Variants in SKAP2 observed in about 807,000 individuals in gnomAD.
The protein encoded by SKAP2 is src kinase associated phosphoprotein 2, also known as src kinase-associated phosphoprotein 2.
In SKAP2, 28 loss-of-function variants were observed where a neutral mutation model predicts 54.9. The ratio of observed to expected loss-of-function variants is 0.51; its 90% CI spans 0.38 to 0.70. The LOEUF is 0.70. SKAP2 is among the 30% of genes least tolerant of loss of function. The probability of loss-of-function intolerance (pLI) is 0.00; values close to 1 mark genes in which losing one functional copy is unlikely to be tolerated. For missense variants in SKAP2, 356 were observed against 424.1 expected (o/e 0.84, Z 1.41); for synonymous variants, 137 against 134.3 (o/e 1.02, Z -0.14).
intron 4 of SKAP2, among the ~76,000 whole-genome samples, chr7:26,755,435 T>G (rs1782769529): frequency 1.3e-5 from 2 of 152,016 alleles, no homozygotes; most frequent in Non-Finnish European, 2.9e-5. Flanking sequence ...TGCATGGATG[T>G]CACAATAGAT....
At chr7:26,701,823 C>CT (rs1311492641) in intron 9 of SKAP2, among the ~76,000 whole-genome samples, 1 of 152,154 alleles carries the variant, frequency 6.6e-6, no homozygotes, top group African/African-American at 2.4e-5. Flanking sequence ...TTTAACTTCT[C>CT]TTTTTTTCCC....
At chr7:26,672,768 A>G (rs1392643748) in intron 11 of SKAP2, among the ~76,000 whole-genome samples, 1 of 152,008 alleles carries the variant, frequency 6.6e-6, no homozygotes, top group Non-Finnish European at 1.5e-5. Flanking sequence ...TTTTACTTTT[A>G]TCATTACTAT....
intron 9 of SKAP2, among the ~76,000 whole-genome samples, chr7:26,723,295 C>G (rs1548482): frequency 0.074 from 11,312 of 152,186 alleles, 555 homozygotes; most frequent in Middle Eastern, 0.16. Context: ...CTTGCTGAAC[C>G]GTGCAGATGT....
intron 9 of SKAP2, 63 bp downstream of exon 9, chr7:26,725,365 C>T: frequency 8.0e-7 from 1 of 1,253,940 alleles, no homozygotes; most frequent in Non-Finnish European, 1.1e-6. Flanking sequence ...CAAACACACA[C>T]ACACACTCAC....
intron 3 of SKAP2, among the ~76,000 whole-genome samples, chr7:26,850,841 TC>T (rs1785024407): frequency 6.6e-6 from 1 of 152,006 alleles, no homozygotes; most frequent in Non-Finnish European, 1.5e-5. Flanking sequence ...ATTTGTCAGA[TC>T]TCTTCAATAG....
intron 4 of SKAP2, among the ~76,000 whole-genome samples, chr7:26,837,753 C>T (rs1462220867): frequency 6.8e-6 from 1 of 146,464 alleles, no homozygotes; most frequent in African/African-American, 2.4e-5. Context: ...TGTTGGTCTA[C>T]TGACCATACT....
At chr7:26,670,243 T>G (rs766523086) in intron 11 of SKAP2, 51 bp from the exon 12 acceptor site, 3 of 838,884 alleles carry the variant, frequency 3.6e-6, no homozygotes, top group Non-Finnish European at 6.2e-6. Context: ...GTAAGTACAA[T>G]GTCGTTTGTA....
intron 3 of SKAP2, 147 bp downstream of exon 3, chr7:26,853,990 A>G: frequency 1.8e-6 from 1 of 557,474 alleles, no homozygotes; most frequent in Non-Finnish European, 3.2e-6. Context: ...AGGGGGAGCT[A>G]GCACTCTCAT....
At chr7:26,862,573 T>C (rs1339123181) in intron 1 of SKAP2, among the ~76,000 whole-genome samples, 1 of 152,050 alleles carries the variant, frequency 6.6e-6, no homozygotes, top group African/African-American at 2.4e-5. Context: ...GTATATTACC[T>C]GACTAAAGAG....
At chr7:26,805,445 G>C (rs1784006518) in intron 4 of SKAP2, among the ~76,000 whole-genome samples, 1 of 152,114 alleles carries the variant, frequency 6.6e-6, no homozygotes, top group Non-Finnish European at 1.5e-5. Context: ...TCACCCATTT[G>C]ATTCTAAAGG....
intron 9 of SKAP2, among the ~76,000 whole-genome samples, chr7:26,713,671 C>G (rs948984387): frequency 9.2e-5 from 14 of 151,902 alleles, no homozygotes; most frequent in African/African-American, 3.4e-4. Flanking sequence ...GCGATCTCGG[C>G]TCACTGCAAG....
At chr7:26,817,073 C>T (rs1441307101) in intron 4 of SKAP2, among the ~76,000 whole-genome samples, 1 of 152,098 alleles carries the variant, frequency 6.6e-6, no homozygotes, top group Non-Finnish European at 1.5e-5. Context: ...TTGTTTAAAA[C>T]ATTTATAACA....
chr7:26,754,684 T>C (rs769914607), intron 4 of SKAP2, among the ~76,000 whole-genome samples: 15 of 152,158 alleles, frequency 9.9e-5, no homozygotes, highest in South Asian at 2.1e-4. Flanking sequence ...AACAAAACGA[T>C]TGCTAACAAC....
intron 4 of SKAP2, among the ~76,000 whole-genome samples, chr7:26,745,503 T>TA (rs1308563298): frequency 2.6e-5 from 4 of 152,218 alleles, no homozygotes; most frequent in Non-Finnish European, 2.9e-5. Context: ...TGGGGGGAGA[T>TA]AGAGCTTCGT....
intron 10 of SKAP2, among the ~76,000 whole-genome samples, chr7:26,686,207 G>C (rs947898323): frequency 1.3e-5 from 2 of 152,074 alleles, no homozygotes; most frequent in Non-Finnish European, 2.9e-5. Context: ...TGAATATTTA[G>C]CAAATAGAAT....
At chr7:26,726,183 C>T (rs958607665) in intron 7 of SKAP2, among the ~76,000 whole-genome samples, 197 bp from the exon 8 acceptor site, 16 of 152,080 alleles carry the variant, frequency 1.1e-4, no homozygotes, top group African/African-American at 2.4e-4. Flanking sequence ...GAATTTCAAA[C>T]GCTGATCAGC....
chr7:26,664,589 C>T (rs1786073879), downstream of SKAP2, among the ~76,000 whole-genome samples: 1 of 152,050 alleles, frequency 6.6e-6, no homozygotes, highest in Non-Finnish European at 1.5e-5. Context: ...GCAGTTCAAG[C>T]TACAAAATGG....
intron 9 of SKAP2, among the ~76,000 whole-genome samples, chr7:26,702,816 A>G (rs1459210473): frequency 6.6e-6 from 1 of 152,224 alleles, no homozygotes; most frequent in African/African-American, 2.4e-5. Context: ...GTATTTTTCT[A>G]CTATCACCAC....
intron 4 of SKAP2, among the ~76,000 whole-genome samples, chr7:26,836,682 AAAC>A (rs776159475): frequency 4.6e-5 from 7 of 152,216 alleles, no homozygotes; most frequent in Non-Finnish European, 7.3e-5. Flanking sequence ...AAAAGTCAGG[AAAC>A]AACAGATGCT....
Sources: allele counts gnomAD v4.1 joint callset (sites outside exome capture counted in the v4.1 genomes callset), GRCh38; gene constraint gnomAD v4.1.1; transcripts MANE v1.5; gene names NCBI Gene and HGNC (gene_info 2026-07-23, HGNC 2026-07-21).